L3MBTL4: variants seen among roughly 807,000 people sequenced by gnomAD.
L3MBTL4 encodes lethal(3)malignant brain tumor-like protein 4.
L3MBTL4 carries 70 observed loss-of-function variants against 84.5 expected under a neutral mutation model. That is an observed-to-expected ratio of 0.83 (90% CI 0.68 to 1.01). The LOEUF (loss-of-function observed/expected upper bound fraction) is 1.01. L3MBTL4 is among the 50% of genes least tolerant of loss of function. The pLI is 0.00. For missense variants in L3MBTL4, 715 were observed against 754.8 expected (o/e 0.95, Z 0.62); for synonymous variants, 274 against 259.8 (o/e 1.05, Z -0.52).
At chr18:6,402,269 C>T (rs1335882177) in intron 1 of L3MBTL4, among the ~76,000 whole-genome samples, 1 of 152,128 alleles carries the variant, frequency 6.6e-6, no homozygotes, top group East Asian at 1.9e-4. Flanking sequence ...TCTACATTGC[C>T]ATCTCTCAAA....
chr18:6,103,703 G>T (rs1351458403), intron 14 of L3MBTL4, among the ~76,000 whole-genome samples: 1 of 152,120 alleles, frequency 6.6e-6, no homozygotes, highest in Non-Finnish European at 1.5e-5. Context: ...GTTTACATAG[G>T]TATATATTTA....
chr18:6,329,002 T>C (rs574437973), intron 1 of L3MBTL4, among the ~76,000 whole-genome samples: 1 of 152,214 alleles, frequency 6.6e-6, no homozygotes, highest in Non-Finnish European at 1.5e-5. Flanking sequence ...TTTCATGCAC[T>C]GAACACATGT....
chr18:5,978,841 G>A (rs987505446), intron 16 of L3MBTL4, among the ~76,000 whole-genome samples: 10 of 152,226 alleles, frequency 6.6e-5, no homozygotes, highest in African/African-American at 2.4e-4. Context: ...GCCTACGGTG[G>A]AGGGCAGTGC....
At chr18:6,181,682 A>G (rs1457339049) in intron 12 of L3MBTL4, among the ~76,000 whole-genome samples, 4 of 152,166 alleles carry the variant, frequency 2.6e-5, no homozygotes, top group Non-Finnish European at 5.9e-5. Flanking sequence ...ACCTTCAAGT[A>G]GGCCCCAGCA....
intron 13 of L3MBTL4, among the ~76,000 whole-genome samples, chr18:6,169,179 A>T (rs2043837483): frequency 6.6e-6 from 1 of 152,168 alleles, no homozygotes; most frequent in African/African-American, 2.4e-5. Flanking sequence ...TCAGGAAAAA[A>T]CAGGTGCTGG....
At chr18:6,239,652 A>G in intron 9 of L3MBTL4, 66 bp downstream of exon 9, 2 of 1,542,196 alleles carry the variant, frequency 1.3e-6, no homozygotes, top group Non-Finnish European at 1.8e-6. Context: ...CAGTGCTAGA[A>G]TGAAAACAAA....
At chr18:6,060,312 A>C (rs2057164432) in intron 16 of L3MBTL4, among the ~76,000 whole-genome samples, 1 of 151,802 alleles carries the variant, frequency 6.6e-6, no homozygotes. Context: ...CTATTCCTCT[A>C]TGCCTAAAAC....
chr18:6,151,652 C>A (rs564777435), intron 13 of L3MBTL4, among the ~76,000 whole-genome samples: 4 of 152,274 alleles, frequency 2.6e-5, no homozygotes, highest in African/African-American at 9.6e-5. Flanking sequence ...GCCTCGACCT[C>A]CCAAAGTGCT....
intron 10 of L3MBTL4, among the ~76,000 whole-genome samples, chr18:6,223,018 T>C (rs531366518): frequency 8.0e-5 from 12 of 150,634 alleles, no homozygotes; most frequent in East Asian, 1.9e-4. Context: ...AAAGTGGTCA[T>C]TGGGTATCAA....
intron 16 of L3MBTL4, among the ~76,000 whole-genome samples, chr18:5,991,503 C>T (rs990952526): frequency 6.6e-6 from 1 of 152,132 alleles, no homozygotes; most frequent in Non-Finnish European, 1.5e-5. Flanking sequence ...CACTTGCTAC[C>T]TGGCATCTTT....
chr18:6,223,450 G>A (rs936526668), intron 10 of L3MBTL4, among the ~76,000 whole-genome samples: 2 of 152,298 alleles, frequency 1.3e-5, no homozygotes, highest in African/African-American at 4.8e-5. Flanking sequence ...AATTTGCCAT[G>A]AGACATAGTT....
At chr18:6,268,363 C>T (rs917424857) in intron 4 of L3MBTL4, among the ~76,000 whole-genome samples, 13 of 152,152 alleles carry the variant, frequency 8.5e-5, no homozygotes, top group African/African-American at 2.4e-4. Context: ...GCCGAGATGG[C>T]GCCATTGCAC....
chr18:6,124,179 T>C (rs546919197), intron 14 of L3MBTL4, among the ~76,000 whole-genome samples: 1 of 152,156 alleles, frequency 6.6e-6, no homozygotes, highest in Non-Finnish European at 1.5e-5. Context: ...GGACGAAGAA[T>C]GGAAAATGAT....
rs187576430 is a variant in L3MBTL4 at position 6,171,607 on chromosome 18, C to A, written c.1096+221G>T. ...AGAAAATAAAGATTCCTTTGGAAAA[C>A]ACTATCAAAATAATTTTTTAAAGAT... On this transcript the variant is annotated intron_variant, in intron 13 of 18. Coordinates refer to ENST00000317931, the MANE Select transcript of L3MBTL4 (RefSeq NM_001330559.2). 2.1e-3 allele frequency among the ~76,000 whole-genome samples: 325 copies of A among 152,278 alleles called. 1 individual carries two copies. The highest frequency in any genetic ancestry group is 7.6e-3 in the African/African-American group (317 of 41,554).
intron 14 of L3MBTL4, among the ~76,000 whole-genome samples, 190 bp from the exon 15 acceptor site, chr18:6,093,718 G>A (rs2058537046): frequency 6.6e-6 from 1 of 152,142 alleles, no homozygotes; most frequent in Non-Finnish European, 1.5e-5. Context: ...TAGAACCACA[G>A]ACACTGGTCA....
intron 14 of L3MBTL4, among the ~76,000 whole-genome samples, chr18:6,136,897 G>A (rs1022724077): frequency 1.5e-4 from 23 of 152,190 alleles, no homozygotes; most frequent in Admixed American, 3.3e-4. Context: ...GAAATGCAGC[G>A]CCTAGAATTA....
chr18:6,241,389 G>C lies in L3MBTL4; in HGVS notation c.521C>G (p.Ala174Gly). The part of the protein sequence containing the change: ...DYLKACKLQN[A>G]PKKLFRNRSP... ...TCTGTTTCTGAATAATTTCTTTGGAGCATTTTGCAATTTGCAGGCCTTCAA... is the reference window on the plus strand; with the variant it reads ...TCTGTTTCTGAATAATTTCTTTGGACCATTTTGCAATTTGCAGGCCTTCAA... The change falls in exon 8 of 19, where the codon GCT (alanine) becomes GGT (glycine). Residue 174 changes from alanine (A) to glycine (G), a missense_variant. Physicochemically the swap from Ala to Gly is moderately conservative, Grantham distance 60. Coordinates refer to ENST00000317931, the MANE Select transcript of L3MBTL4 (RefSeq NM_001330559.2). 1 of 1,603,536 alleles carries C rather than the reference G, an allele frequency of 6.2e-7. No individual in the cohort carries two copies. The highest frequency in any genetic ancestry group is 8.5e-7 in the Non-Finnish European group (1 of 1,173,784).
chr18:6,166,636 C>A (rs1459079966), intron 13 of L3MBTL4, among the ~76,000 whole-genome samples: 1 of 152,028 alleles, frequency 6.6e-6, no homozygotes, highest in Non-Finnish European at 1.5e-5. Context: ...CCAACGAGAA[C>A]AAAGACACAA....
Position 6,311,562 on chromosome 18 carries a change from C to G in L3MBTL4, c.64G>C (p.Gly22Arg). ...AGGGATGGACATCTTACCAAGCGTC[C>G]GTCCTGATCCAAACGCTCTTTGGAA... The part of the protein sequence containing the change: ...MDSKERLDQD[G>R]RLEQAEEEKK... Residue 22 changes from glycine (G) to arginine (R), a missense_variant, in exon 3 of 19, where the codon GGA becomes CGA. Physicochemically the swap from Gly to Arg is moderately radical, Grantham distance 125. Coordinates refer to ENST00000317931, the MANE Select transcript of L3MBTL4 (RefSeq NM_001330559.2). 6.2e-7 allele frequency: 1 copy of G among 1,612,858 alleles called. No individual in the cohort carries two copies. Among genetic ancestry groups the G allele is most frequent in the Non-Finnish European group, 8.5e-7 (1 of 1,179,458 alleles).
Sources: allele counts gnomAD v4.1 joint callset (sites outside exome capture counted in the v4.1 genomes callset), GRCh38; gene constraint gnomAD v4.1.1; transcripts MANE v1.5; gene names NCBI Gene and HGNC (gene_info 2026-07-23, HGNC 2026-07-21).